Variants in ATP10A observed in about 807,000 individuals in gnomAD.
ATP10A encodes phospholipid-transporting ATPase VA.
Under a neutral mutation model 147.8 loss-of-function variants are expected in ATP10A, and 111 were observed. The observed-to-expected ratio is 0.75, with a 90% CI of 0.64 to 0.88. The LOEUF is 0.88. Among genes scored for constraint, ATP10A ranks in the 40% least tolerant of loss-of-function variants. ATP10A has a pLI of 0.00. For synonymous variants in ATP10A, 875 were observed against 841.6 expected, an observed-to-expected ratio of 1.04 and a Z score of -0.69; for missense variants, 1,927 against 1,959.0, an observed-to-expected ratio of 0.98 and a Z score of 0.31.
intron 1 of ATP10A, among the ~76,000 whole-genome samples, chr15:25,786,988 G>A (rs1890201378): frequency 6.6e-6 from 1 of 151,896 alleles, no homozygotes; most frequent in Non-Finnish European, 1.5e-5. Context: ...AGCTGTGCTG[G>A]ATATCCTATT....
chr15:25,819,949 G>GA (rs1891810965), intron 1 of ATP10A, among the ~76,000 whole-genome samples: 1 of 151,998 alleles, frequency 6.6e-6, no homozygotes, highest in Non-Finnish European at 1.5e-5. Context: ...GGAGGTGAGG[G>GA]ATGAGAAGTT....
intron 2 of ATP10A, among the ~76,000 whole-genome samples, chr15:25,769,474 G>C (rs1889218515): frequency 8.0e-6 from 1 of 125,300 alleles, no homozygotes; most frequent in Non-Finnish European, 1.6e-5. Context: ...GTGACAGAGG[G>C]AGACTCTGTC....
At chr15:25,686,195 G>A (rs1899705493) in intron 16 of ATP10A, among the ~76,000 whole-genome samples, 1 of 152,174 alleles carries the variant, frequency 6.6e-6, no homozygotes, top group African/African-American at 2.4e-5. Context: ...TCCGAAAAAT[G>A]AAGGGGGTGA....
At position 25,725,989 on chromosome 15, in the gene ATP10A, A is replaced by G. The variant is rs76854611; in HGVS notation, c.941T>C (p.Val314Ala). ...RQMNCDVLWC[V>A]LLLVCMSLFS... ...CAGAGACATGCAAACAAGGAGCAGG[A>G]CACACCAGAGCACGTCGCAGTTCAT... Residue 314 changes from valine (V) to alanine (A), a missense_variant, in exon 5 of 21, where the codon GTC (valine) becomes GCC (alanine). Transcript: ENST00000555815. 455 of 1,614,078 alleles carry G rather than the reference A, an allele frequency of 2.8e-4. 8 individuals carry two copies. In the East Asian group the frequency reaches 9.3e-3, roughly 33 times the overall value.
chr15:25,847,165 T>C (rs1893057848), intron 1 of ATP10A, among the ~76,000 whole-genome samples: 1 of 152,258 alleles, frequency 6.6e-6, no homozygotes, highest in South Asian at 2.1e-4. Context: ...TTAAACAACT[T>C]GATCTCATCC....
intron 1 of ATP10A, among the ~76,000 whole-genome samples, chr15:25,781,444 C>T (rs1345894198): frequency 6.6e-6 from 1 of 152,076 alleles, no homozygotes; most frequent in Admixed American, 6.5e-5. Context: ...ATTATGAGGT[C>T]AGGAGTTTGA....
chr15:25,726,796 A>G (rs1184857278), intron 4 of ATP10A, among the ~76,000 whole-genome samples: 1 of 151,138 alleles, frequency 6.6e-6, no homozygotes, highest in Admixed American at 6.6e-5. Context: ...TCATGCCTGT[A>G]ATCCCAGCAC....
chr15:25,834,930 G>C (rs1388327438), intron 1 of ATP10A, among the ~76,000 whole-genome samples: 1 of 152,142 alleles, frequency 6.6e-6, no homozygotes, highest in Non-Finnish European at 1.5e-5. Flanking sequence ...GGAGGATTAG[G>C]AGGTGACAGC....
intron 1 of ATP10A, among the ~76,000 whole-genome samples, chr15:25,788,678 A>G (rs1375262586): frequency 6.6e-6 from 1 of 152,250 alleles, no homozygotes; most frequent in East Asian, 1.9e-4. Flanking sequence ...TGTGGTTTGG[A>G]ATTAAAACAA....
chr15:25,759,930 T>C (rs571629544), intron 2 of ATP10A, among the ~76,000 whole-genome samples: 1 of 152,270 alleles, frequency 6.6e-6, no homozygotes, highest in South Asian at 2.1e-4. Context: ...CACTTTGGTT[T>C]TATTTCACAG....
At chr15:25,764,559 C>T (rs1036158130) in intron 2 of ATP10A, among the ~76,000 whole-genome samples, 7 of 152,196 alleles carry the variant, frequency 4.6e-5, no homozygotes, top group African/African-American at 1.2e-4. Flanking sequence ...GTGAAGGTGG[C>T]TGTCTGCAGG....
intron 1 of ATP10A, among the ~76,000 whole-genome samples, chr15:25,782,733 C>T: frequency 6.6e-6 from 1 of 152,150 alleles, no homozygotes; most frequent in East Asian, 1.9e-4. Context: ...GAATAACAGG[C>T]TAACTAATGT....
chr15:25,732,434 C>T (rs1347161276), intron 3 of ATP10A, among the ~76,000 whole-genome samples: 1 of 152,000 alleles, frequency 6.6e-6, no homozygotes, highest in Admixed American at 6.6e-5. Context: ...AAAAATAAAC[C>T]CTAGACCCAC....
Position 25,844,302 on chromosome 15 carries a change from C to T in ATP10A, c.449+18346G>A, listed in dbSNP as rs898453733. On this transcript the variant is annotated intron_variant, in intron 1 of 20. Coordinates refer to ENST00000555815, the MANE Select transcript of ATP10A (RefSeq NM_024490.4). ...TCTCTCCACGGCACGTCTTTGCCAG[C>T]TGGAGCCTCTACGAAAGGGAGGACT... is the stretch of plus-strand genomic sequence containing the variant. Among the ~76,000 whole-genome samples the T allele has an allele frequency of 2.0e-5, 3 of 152,274 alleles. No homozygotes were observed. In the East Asian group the frequency reaches 5.8e-4, roughly 29 times the overall value.
chr15:25,726,140 G>A, intron 4 of ATP10A, 58 bp from the exon 5 acceptor site: 1 of 1,575,612 alleles, frequency 6.3e-7, no homozygotes, highest in Non-Finnish European at 8.7e-7. Context: ...GGGACCAGCT[G>A]CATGGATGGC....
At chr15:25,752,657 A>G (rs1191094209) in intron 2 of ATP10A, among the ~76,000 whole-genome samples, 4 of 152,098 alleles carry the variant, frequency 2.6e-5, no homozygotes, top group Non-Finnish European at 4.4e-5. Context: ...GAGCCTTGTA[A>G]CTCTACATAA....
At chr15:25,728,134 G>A (rs984359549) in intron 3 of ATP10A, among the ~76,000 whole-genome samples, 2 of 152,120 alleles carry the variant, frequency 1.3e-5, no homozygotes, top group East Asian at 1.9e-4. Flanking sequence ...CTCTCCGCAC[G>A]CATTCCCCAC....
intron 1 of ATP10A, among the ~76,000 whole-genome samples, chr15:25,850,692 A>C (rs1597000168): frequency 1.0e-5 from 1 of 97,906 alleles, no homozygotes; most frequent in Non-Finnish European, 2.0e-5. Flanking sequence ...GGGCGAGACC[A>C]CGCCCACCAC....
At position 25,681,057 on chromosome 15, in the gene ATP10A, C is replaced by G. The variant is rs2076741; in HGVS notation, c.3510G>C (p.Thr1170=). 0.1 allele frequency: 168,230 copies of G among 1,609,916 alleles called. 10,511 individuals are homozygous for G. The highest frequency in any genetic ancestry group is 0.24 in the South Asian group (22,115 of 90,712). ...GQNMEEYRPR[T]FWFNMADAAF... is the part of the protein sequence containing the mutation. ...CGGCGTCGGCCATGTTAAACCAGAA[C>G]GTTCGTGGCCGGTATTCCTGGGACA... is the stretch of plus-strand genomic sequence containing the variant. Residue 1170 remains threonine (T), a synonymous_variant, in exon 18 of 21, where the codon ACG becomes ACC. Coordinates refer to ENST00000555815, the MANE Select transcript of ATP10A (RefSeq NM_024490.4).
Sources: allele counts gnomAD v4.1 joint callset (sites outside exome capture counted in the v4.1 genomes callset), GRCh38; gene constraint gnomAD v4.1.1; transcripts MANE v1.5; gene names NCBI Gene and HGNC (gene_info 2026-07-23, HGNC 2026-07-21).